COL4A5: variants seen among roughly 807,000 people sequenced by gnomAD.
COL4A5 encodes collagen alpha-5(IV) chain.
COL4A5 carries 26 observed loss-of-function variants against 130.2 expected under a neutral mutation model. The ratio of observed to expected loss-of-function variants is 0.20; its 90% CI spans 0.15 to 0.28. COL4A5 has a LOEUF of 0.28. COL4A5 is among the 10% of genes least tolerant of loss of function. The pLI is 1.00. For missense variants in COL4A5, 1,131 were observed against 1,344.3 expected (o/e 0.84, Z 2.48); for synonymous variants, 496 against 439.6 (o/e 1.13, Z -1.60).
At chrX:108,515,846 T>C (rs766200276) in intron 1 of COL4A5, among the ~76,000 whole-genome samples, 331 of 111,669 alleles carry the variant, frequency 3.0e-3, no homozygotes, top group African/African-American at 0.01. Flanking sequence ...TGTTTGATAA[T>C]AAAAAACATT....
chrX:108,689,467 A>G (rs2068609996), intron 49 of COL4A5: 1 of 752,134 alleles, frequency 1.3e-6, no homozygotes, highest in Non-Finnish European at 1.6e-6. Context: ...TTCAGAATCC[A>G]TGTATTTTCT....
chrX:108,559,944 A>C (rs1038651373), intron 3 of COL4A5, among the ~76,000 whole-genome samples: 10 of 111,171 alleles, frequency 9.0e-5, no homozygotes, highest in African/African-American at 3.3e-4. Context: ...GCCTACCAAG[A>C]GGACTTTGGT....
chrX:108,485,224 G>T (rs746824725), intron 1 of COL4A5, among the ~76,000 whole-genome samples: 1 of 112,034 alleles, frequency 8.9e-6, no homozygotes, highest in South Asian at 3.7e-4. Context: ...CCCAGGGCAG[G>T]TCCCAAAATG....
chrX:108,616,215 G>GC (rs1556418671), intron 30 of COL4A5, among the ~76,000 whole-genome samples: 3 of 104,530 alleles, frequency 2.9e-5, no homozygotes, highest in Non-Finnish European at 4.0e-5. Flanking sequence ...TTGACCTGCT[G>GC]TTTTTTTTTT....
At chrX:108,533,726 A>G (rs1449694746) in intron 1 of COL4A5, among the ~76,000 whole-genome samples, 2 of 111,193 alleles carry the variant, frequency 1.8e-5, no homozygotes, top group Non-Finnish European at 3.8e-5. Context: ...AAACGAAGCA[A>G]TCAACAGAGG....
Position 108,620,323 on chromosome X carries a change from C to A in COL4A5, c.2574C>A (p.Pro858=), listed in dbSNP as rs750575874. 1 of 1,209,041 alleles carries A rather than the reference C, an allele frequency of 8.3e-7. No individual in the cohort carries two copies. Among genetic ancestry groups the A allele is most frequent in the Middle Eastern group, 2.5e-4 (1 of 4,071 alleles). The change falls in exon 31 of 53, where the codon CCC becomes CCA. Residue 858 remains proline, a synonymous_variant. Coordinates refer to ENST00000328300, the MANE Select transcript of COL4A5 (RefSeq NM_033380.3). ...PGPPGLDVPG[P]PGERGSPGIP... ...CTCCTGGACTTGATGTTCCAGGACC[C>A]CCAGGTGAAAGAGGCAGTCCAGGGA...
At chrX:108,647,291 C>T (rs990054395) in intron 36 of COL4A5, among the ~76,000 whole-genome samples, 3 of 111,192 alleles carry the variant, frequency 2.7e-5, no homozygotes, top group African/African-American at 6.6e-5. Context: ...TGAAGAGGTC[C>T]TTCACATCCC....
intron 1 of COL4A5, among the ~76,000 whole-genome samples, chrX:108,495,280 A>T (rs973628656): frequency 9.0e-6 from 1 of 111,330 alleles, no homozygotes; most frequent in Non-Finnish European, 1.9e-5. Context: ...AAAAAATAAA[A>T]TCATCACCTA....
At chrX:108,672,893 G>C (rs1299566107) in intron 42 of COL4A5, among the ~76,000 whole-genome samples, 2 of 105,431 alleles carry the variant, frequency 1.9e-5, no homozygotes, top group Admixed American at 1.9e-4. Flanking sequence ...TTTGTGGCCA[G>C]ACTCTGCTCT....
intron 42 of COL4A5, chrX:108,670,732 TCTA>T (rs905177885): frequency 9.8e-5 from 32 of 326,317 alleles, no homozygotes; most frequent in African/African-American, 6.7e-4. Flanking sequence ...AGTTCTCAAT[TCTA>T]CTGCTGTTAA....
intron 1 of COL4A5, among the ~76,000 whole-genome samples, chrX:108,479,473 C>T (rs767646310): frequency 9.7e-4 from 109 of 112,095 alleles, no homozygotes; most frequent in African/African-American, 3.3e-3. Context: ...AGAAAGGGAC[C>T]GTAGTGTTGC....
intron 1 of COL4A5, among the ~76,000 whole-genome samples, chrX:108,489,859 A>G (rs962422105): frequency 1.8e-5 from 2 of 112,007 alleles, no homozygotes; most frequent in African/African-American, 3.2e-5. Flanking sequence ...ATGTGCAATT[A>G]AAGTTCTGGT....
intron 1 of COL4A5, among the ~76,000 whole-genome samples, chrX:108,487,588 C>G (rs146932375): frequency 2.7e-4 from 30 of 110,872 alleles, no homozygotes; most frequent in African/African-American, 9.5e-4. Flanking sequence ...GGCCATTTGC[C>G]AACTGATATG....
intron 1 of COL4A5, among the ~76,000 whole-genome samples, chrX:108,508,706 T>TA (rs1312005847): frequency 9.0e-6 from 1 of 110,595 alleles, no homozygotes; most frequent in Non-Finnish European, 1.9e-5. Context: ...GGTACTGGTA[T>TA]AAAAAACAGG....
Position 108,571,426 on chromosome X carries a change from T to A in COL4A5, c.398T>A (p.Phe133Tyr). ...GCNGTKGERG[F>Y]PGSPGFPGLQ... ...AACTCCTTCTAGGGAGAACGTGGAT[T>A]TCCAGGCAGTCCCGGTTTTCCTGGT... The change falls in exon 7 of 53, where the codon TTT becomes TAT. Residue 133 changes from phenylalanine (F) to tyrosine (Y), a missense_variant. Coordinates refer to ENST00000328300, the MANE Select transcript of COL4A5 (RefSeq NM_033380.3). The A allele has an allele frequency of 8.3e-7, 1 of 1,204,625 alleles. No homozygotes were observed. The highest frequency in any genetic ancestry group is 1.1e-6 in the Non-Finnish European group (1 of 889,591).
At chrX:108,473,522 A>C (rs1212016042) in intron 1 of COL4A5, among the ~76,000 whole-genome samples, 2 of 103,495 alleles carry the variant, frequency 1.9e-5, no homozygotes, top group African/African-American at 7.0e-5. Context: ...TTTAACAAAA[A>C]GTTTTAAAAG....
At chrX:108,507,263 A>C (rs28762150) in intron 1 of COL4A5, among the ~76,000 whole-genome samples, 19 of 95,151 alleles carry the variant, frequency 2.0e-4, no homozygotes, top group African/African-American at 7.4e-4. Context: ...AAAAAAAAAG[A>C]AAAAAAAAAA....
intron 1 of COL4A5, among the ~76,000 whole-genome samples, chrX:108,526,747 CTTCTT>C (rs1486322409): frequency 2.3e-5 from 2 of 88,847 alleles, no homozygotes; most frequent in Non-Finnish European, 2.2e-5. Context: ...CCTCCTTCTT[CTTCTT>C]TTCTTTTCTT....
chrX:108,575,512 G>T (rs35410767), intron 9 of COL4A5, among the ~76,000 whole-genome samples: 1 of 112,292 alleles, frequency 8.9e-6, no homozygotes, highest in African/African-American at 3.2e-5. Context: ...TTCCAATGAC[G>T]ACTGAAGTTT....
Sources: allele counts gnomAD v4.1 joint callset (sites outside exome capture counted in the v4.1 genomes callset), GRCh38; gene constraint gnomAD v4.1.1; transcripts MANE v1.5; gene names NCBI Gene and HGNC (gene_info 2026-07-23, HGNC 2026-07-21).